The following UST variants were observed in gnomAD, a reference collection of about 807,000 sequenced individuals.
The protein encoded by UST is uronyl 2-sulfotransferase.
A neutral mutation model predicts 45.6 loss-of-function variants in UST; 21 were observed. The ratio of observed to expected loss-of-function variants is 0.46; its 90% CI spans 0.33 to 0.66. UST has a LOEUF of 0.66. UST is among the 30% of genes least tolerant of loss of function. The pLI is 0.02. For synonymous variants in UST, 215 were observed against 200.6 expected, an observed-to-expected ratio of 1.07 and a Z score of -0.61; for missense variants, 463 against 512.4, an observed-to-expected ratio of 0.90 and a Z score of 0.93.
At chr6:148,990,551 C>T (rs1304922256) in intron 5 of UST, 1 of 401,394 alleles carries the variant, frequency 2.5e-6, no homozygotes, top group African/African-American at 2.2e-5. Context: ...TCCATCTTAG[C>T]CCACGAAAGC....
chr6:149,014,191 T>C (rs1409094783), intron 5 of UST, among the ~76,000 whole-genome samples: 1 of 152,152 alleles, frequency 6.6e-6, no homozygotes, highest in East Asian at 1.9e-4. Context: ...CAGTGTCTCA[T>C]CTCTAGAGCA....
chr6:148,807,761 A>C (rs1777177897), intron 1 of UST, among the ~76,000 whole-genome samples: 1 of 152,192 alleles, frequency 6.6e-6, no homozygotes, highest in Non-Finnish European at 1.5e-5. Flanking sequence ...GCCTGTAACC[A>C]GCTTGGGATG....
intron 7 of UST, among the ~76,000 whole-genome samples, chr6:149,051,431 A>T (rs1776484859): frequency 6.6e-6 from 1 of 152,206 alleles, no homozygotes; most frequent in South Asian, 2.1e-4. Context: ...AAAGGCCAAT[A>T]CAGAGAAGTG....
chr6:148,790,209 G>A lies in UST; in HGVS notation c.247+42532G>A, dbSNP rs765833944. 3.9e-5 allele frequency among the ~76,000 whole-genome samples: 6 copies of A among 152,144 alleles called. No individual in the cohort carries two copies. Among genetic ancestry groups the A allele is most frequent in the Non-Finnish European group, 5.9e-5 (4 of 68,024 alleles). Reference sequence around the variant, plus strand: ...GCGGCAGCCTCGCTGGGTGGATTGAGTGGTTACCTTGGATCCCTTCATGCC... The same window carrying A: ...GCGGCAGCCTCGCTGGGTGGATTGAATGGTTACCTTGGATCCCTTCATGCC... On this transcript the variant is annotated intron_variant, in intron 1 of 7. Coordinates refer to ENST00000367463, the MANE Select transcript of UST (RefSeq NM_005715.3). The surrounding 1 kb of genome is among the most constrained non-coding windows in gnomAD (Gnocchi z 4.2).
rs10533222 is a variant in UST, at chr6:149,017,799, TACACACACACACACACACACAC to T, written c.682-1322_682-1301del. On this transcript the variant is annotated intron_variant, in intron 5 of 7. Transcript: ENST00000367463. ...CATTGCAGCAATGAATATCCATATATACACACACACACACACACACACACACACACACACACACATCTGTCAG... is the reference window on the plus strand; with the variant it reads ...CATTGCAGCAATGAATATCCATATATACACACACACACACACATCTGTCAG... 2.7e-5 allele frequency among the ~76,000 whole-genome samples: 4 copies of T among 148,914 alleles called. No homozygotes were observed. The South Asian group carries it at 6.5e-4, about 24-fold the overall frequency.
At chr6:148,931,692 C>T (rs149285922) in intron 2 of UST, among the ~76,000 whole-genome samples, 234 of 152,294 alleles carry the variant, frequency 1.5e-3, no homozygotes, top group Middle Eastern at 3.4e-3. Context: ...CAATATTACT[C>T]ATAATGTTTT....
chr6:148,940,523 A>G (rs1030328066), intron 2 of UST, among the ~76,000 whole-genome samples: 2 of 152,114 alleles, frequency 1.3e-5, no homozygotes, highest in African/African-American at 4.8e-5. Context: ...TATATCAATA[A>G]CAAGTGTTGG....
At chr6:148,804,646 A>G (rs567438725) in intron 1 of UST, among the ~76,000 whole-genome samples, 1 of 152,340 alleles carries the variant, frequency 6.6e-6, no homozygotes, top group South Asian at 2.1e-4. Context: ...TTTTCCAATG[A>G]GTATTAAAAA....
chr6:148,802,098 A>C (rs921242884), intron 1 of UST, among the ~76,000 whole-genome samples: 1 of 152,230 alleles, frequency 6.6e-6, no homozygotes, highest in African/African-American at 2.4e-5. Flanking sequence ...TGTTGTTGAC[A>C]TCCTGCCCAA....
intron 1 of UST, among the ~76,000 whole-genome samples, chr6:148,752,229 G>A (rs1776004734): frequency 6.6e-6 from 1 of 152,162 alleles, no homozygotes; most frequent in African/African-American, 2.4e-5. Flanking sequence ...TGTGAAAATA[G>A]AGGTCCATAT....
intron 5 of UST, among the ~76,000 whole-genome samples, chr6:149,008,223 T>A (rs1163195592): frequency 2.0e-5 from 3 of 152,224 alleles, no homozygotes; most frequent in African/African-American, 4.8e-5. Context: ...CATTTTAACA[T>A]GTGAAAATGT....
chr6:149,021,618 A>G (rs1775983052), intron 7 of UST, 137 bp downstream of exon 7: 1 of 1,052,680 alleles, frequency 9.5e-7, no homozygotes, highest in Non-Finnish European at 1.3e-6. Context: ...CTGGGCTTGC[A>G]AAGGAAAGTT....
intron 4 of UST, among the ~76,000 whole-genome samples, chr6:148,960,806 G>T (rs1780641696): frequency 6.6e-6 from 1 of 152,222 alleles, no homozygotes. Context: ...GTACAAAACA[G>T]TCTTAATTCT....
At position 148,993,681 on chromosome 6, in the gene UST, A is replaced by T. The variant is rs143858249; in HGVS notation, c.682-25458A>T. 1.8e-3 allele frequency among the ~76,000 whole-genome samples: 279 copies of T among 151,982 alleles called. 1 individual carries two copies. Among genetic ancestry groups the T allele is most frequent in the African/African-American group, 6.4e-3 (265 of 41,454 alleles). Reference sequence around the variant, plus strand: ...ATTTTTCATGAATGGTTTAGCAGCGACTCCTTGGTGCTGACCTCATGATAG... The same window carrying T: ...ATTTTTCATGAATGGTTTAGCAGCGTCTCCTTGGTGCTGACCTCATGATAG... On this transcript the variant is annotated intron_variant, in intron 5 of 7. Coordinates refer to ENST00000367463, the MANE Select transcript of UST (RefSeq NM_005715.3).
At chr6:148,884,738 A>G (rs1293184132) in intron 1 of UST, among the ~76,000 whole-genome samples, 1 of 152,154 alleles carries the variant, frequency 6.6e-6, no homozygotes, top group Non-Finnish European at 1.5e-5. Context: ...CTATATGAGT[A>G]GGAGAGGAAA....
intron 5 of UST, among the ~76,000 whole-genome samples, chr6:148,966,993 C>T (rs1176999279): frequency 2.6e-5 from 4 of 152,212 alleles, no homozygotes; most frequent in African/African-American, 9.6e-5. Flanking sequence ...CCACCTCAGC[C>T]TCCCAAAGTG....
intron 5 of UST, among the ~76,000 whole-genome samples, chr6:149,003,447 A>G (rs1310049791): frequency 1.3e-5 from 1 of 77,972 alleles, no homozygotes; most frequent in Non-Finnish European, 2.7e-5. Context: ...AACAAAACAA[A>G]AAAAAAAAAC....
intron 1 of UST, among the ~76,000 whole-genome samples, chr6:148,851,130 G>A (rs1251006687): frequency 6.6e-6 from 1 of 152,138 alleles, no homozygotes; most frequent in African/African-American, 2.4e-5. Context: ...TGTGGACCCT[G>A]GTAGCCAGGC....
chr6:149,067,788 A>G (rs1262184305), intron 7 of UST, among the ~76,000 whole-genome samples: 1 of 152,144 alleles, frequency 6.6e-6, no homozygotes, highest in East Asian at 1.9e-4. Context: ...GAGTCGATGG[A>G]GTGCACTGGG....
Sources: gnomAD v4.1 joint callset for allele counts (sites outside exome capture counted in the v4.1 genomes callset) on GRCh38, gnomAD v4.1.1 for gene constraint, Gnocchi (gnomAD v3.1) non-coding constraint, MANE v1.5 for transcripts, NCBI Gene and HGNC (gene_info 2026-07-23, HGNC 2026-07-21) for gene names.